The following PLD5 variants were observed in gnomAD, a reference collection of about 807,000 sequenced individuals.
PLD5 encodes phospholipase D family member 5.
A neutral mutation model predicts 61.1 loss-of-function variants in PLD5; 36 were observed. The ratio of observed to expected loss-of-function variants is 0.59; its 90% CI spans 0.45 to 0.78. The LOEUF is 0.78. Ranked by LOEUF, PLD5 falls within the 30% of genes least tolerant of loss-of-function variation. The probability of loss-of-function intolerance (pLI) is 0.00; values close to 1 mark genes in which losing one functional copy is unlikely to be tolerated. For synonymous variants in PLD5, 243 were observed against 242.8 expected (o/e 1.00, Z -0.01); for missense variants, 515 against 644.4 (o/e 0.80, Z 2.17).
intron 1 of PLD5, among the ~76,000 whole-genome samples, chr1:242,434,256 T>A (rs1187513513): frequency 6.6e-6 from 1 of 152,212 alleles, no homozygotes; most frequent in Non-Finnish European, 1.5e-5. Context: ...AATGTTGGGC[T>A]GCCAAGAATT....
chr1:242,313,813 A>ATTGG (rs374940697), intron 2 of PLD5, among the ~76,000 whole-genome samples: 99,503 of 151,794 alleles, frequency 0.66, 34,838 homozygotes, highest in Non-Finnish European at 0.77. Flanking sequence ...TGCTTCATTG[A>ATTGG]TCTTGCACTA....
Position 242,481,423 on chromosome 1 carries a change from G to A in PLD5, c.189+42665C>T, listed in dbSNP as rs946105120. On this transcript the variant is annotated intron_variant, in intron 1 of 9. Coordinates refer to ENST00000536534, the MANE Select transcript of PLD5 (RefSeq NM_001372062.1). ...CACCAGGAGATTGTATCCCGTGCCTGGCTCAGAGGGTCCTACACCCATGGA... is the reference window on the plus strand; with the variant it reads ...CACCAGGAGATTGTATCCCGTGCCTAGCTCAGAGGGTCCTACACCCATGGA... 3.3e-5 allele frequency among the ~76,000 whole-genome samples: 5 copies of A among 152,216 alleles called. No homozygotes were observed. In the South Asian group the frequency reaches 1.0e-3, roughly 31 times the overall value.
intron 1 of PLD5, among the ~76,000 whole-genome samples, chr1:242,507,994 G>GT (rs34331301): frequency 0.062 from 9,136 of 147,478 alleles, 376 homozygotes; most frequent in African/African-American, 0.12. Flanking sequence ...TTTTTAATCT[G>GT]TTTTTTTTTT....
Position 242,158,276 on chromosome 1 carries a change from C to T in PLD5, c.736-33611G>A, listed in dbSNP as rs191122504. 4.9e-4 allele frequency among the ~76,000 whole-genome samples: 75 copies of T among 152,228 alleles called. No individual in the cohort carries two copies. The Middle Eastern group carries it at 0.017, about 35-fold the overall frequency. On this transcript the variant is annotated intron_variant, in intron 5 of 9. Coordinates refer to ENST00000536534, the MANE Select transcript of PLD5 (RefSeq NM_001372062.1). Reference sequence around the variant, plus strand: ...TGGTGTGGGACCCGCTGAACCAGACCACTTGGCTCCCTGGCTTCAGCCTCC... The same window carrying T: ...TGGTGTGGGACCCGCTGAACCAGACTACTTGGCTCCCTGGCTTCAGCCTCC...
At chr1:242,479,933 C>A (rs1190792146) in intron 1 of PLD5, among the ~76,000 whole-genome samples, 1 of 151,746 alleles carries the variant, frequency 6.6e-6, no homozygotes, top group East Asian at 1.9e-4. Flanking sequence ...CGCCTGTAGT[C>A]CCAGCTACTT....
In PLD5 at chr1:242,394,162, G is replaced by C. The variant is rs1462518187; in HGVS notation, c.190-45920C>G. On this transcript the variant is annotated intron_variant, in intron 1 of 9. Coordinates refer to ENST00000536534, the MANE Select transcript of PLD5 (RefSeq NM_001372062.1). The stretch of plus-strand genomic sequence containing the variant: ...AGTATATATATGTGTATATATATGA[G>C]TATATATATGTGTATATATGAGTAT... Among the ~76,000 whole-genome samples the C allele has an allele frequency of 2.1e-5, 2 of 93,784 alleles. 1 individual carries two copies. Among genetic ancestry groups the C allele is most frequent in the Non-Finnish European group, 4.1e-5 (2 of 49,122 alleles). 61.5% of individuals were successfully genotyped at this position (93,784 alleles called of 152,430 possible).
intron 5 of PLD5, among the ~76,000 whole-genome samples, chr1:242,178,837 T>C (rs1230624209): frequency 6.6e-6 from 1 of 152,102 alleles, no homozygotes; most frequent in Non-Finnish European, 1.5e-5. Flanking sequence ...TTCAGGAAAA[T>C]GGCTGGCTTT....
At chr1:242,262,295 G>A (rs534243264) in intron 4 of PLD5, among the ~76,000 whole-genome samples, 1 of 152,296 alleles carries the variant, frequency 6.6e-6, no homozygotes, top group African/African-American at 2.4e-5. Context: ...GGTTCCCTCT[G>A]CGGAGGGCAC....
intron 1 of PLD5, among the ~76,000 whole-genome samples, chr1:242,504,589 G>A (rs1288236100): frequency 6.6e-6 from 1 of 151,962 alleles, no homozygotes; most frequent in East Asian, 1.9e-4. Context: ...TTTTTTAACT[G>A]TGATATCTAA....
chr1:242,262,532 T>C (rs184940161), intron 4 of PLD5, among the ~76,000 whole-genome samples: 1 of 152,280 alleles, frequency 6.6e-6, no homozygotes, highest in African/African-American at 2.4e-5. Context: ...AAGATCTCTT[T>C]GGTAGCTGTG....
At chr1:242,396,523 G>T (rs927681385) in intron 1 of PLD5, among the ~76,000 whole-genome samples, 1 of 151,926 alleles carries the variant, frequency 6.6e-6, no homozygotes, top group Non-Finnish European at 1.5e-5. Context: ...GAGTGTCAAG[G>T]GTGTCAAGGT....
intron 1 of PLD5, among the ~76,000 whole-genome samples, chr1:242,370,505 CA>C (rs1208326458): frequency 4.6e-5 from 7 of 151,738 alleles, no homozygotes; most frequent in African/African-American, 1.7e-4. Flanking sequence ...AGCCAGGGGC[CA>C]GGGGAGGGGG....
intron 1 of PLD5, among the ~76,000 whole-genome samples, chr1:242,402,530 T>C (rs752500038): frequency 6.6e-6 from 1 of 152,234 alleles, no homozygotes; most frequent in Non-Finnish European, 1.5e-5. Context: ...TATTTACTAA[T>C]TCATCAGAAG....
At chr1:242,384,801 C>G (rs1662505952) in intron 1 of PLD5, among the ~76,000 whole-genome samples, 1 of 152,064 alleles carries the variant, frequency 6.6e-6, no homozygotes, top group South Asian at 2.1e-4. Flanking sequence ...TTTGAATTAC[C>G]TTTTGATGAA....
At chr1:242,168,981 A>G (rs1055664900) in intron 5 of PLD5, among the ~76,000 whole-genome samples, 2 of 151,508 alleles carry the variant, frequency 1.3e-5, no homozygotes, top group East Asian at 3.9e-4. Context: ...TATGCCCACA[A>G]CATACGTAAT....
intron 6 of PLD5, among the ~76,000 whole-genome samples, chr1:242,116,168 C>A (rs1044274243): frequency 3.9e-5 from 6 of 152,110 alleles, no homozygotes; most frequent in African/African-American, 1.4e-4. Flanking sequence ...TAGTATTGGG[C>A]GGTCAGAGTT....
At chr1:242,107,411 CAAGAAAAAA>C (rs1295669367) in intron 8 of PLD5, among the ~76,000 whole-genome samples, 2 of 121,734 alleles carry the variant, frequency 1.6e-5, no homozygotes, top group Non-Finnish European at 3.7e-5. Flanking sequence ...AACCCTATCT[CAAGAAAAAA>C]AAGAAAAAAG....
intron 5 of PLD5, among the ~76,000 whole-genome samples, chr1:242,209,739 T>C (rs1184168421): frequency 6.6e-6 from 1 of 152,166 alleles, no homozygotes; most frequent in Non-Finnish European, 1.5e-5. Flanking sequence ...AAACCTACCA[T>C]TGGTCTCTAA....
intron 2 of PLD5, among the ~76,000 whole-genome samples, chr1:242,340,387 T>C (rs185171578): frequency 2.3e-4 from 35 of 151,982 alleles, no homozygotes; most frequent in African/African-American, 8.0e-4. Context: ...GGTTTGTCAA[T>C]ACAAAGCAAA....
Sources: gnomAD v4.1 joint callset for allele counts (sites outside exome capture counted in the v4.1 genomes callset) on GRCh38, gnomAD v4.1.1 for gene constraint, MANE v1.5 for transcripts, NCBI Gene and HGNC (gene_info 2026-07-23, HGNC 2026-07-21) for gene names.